NEXMIF: variants seen among roughly 807,000 people sequenced by gnomAD.
NEXMIF encodes XLMR protein related to neurite extension.
In NEXMIF, 8 loss-of-function variants were observed where a neutral mutation model predicts 62.1. The observed-to-expected ratio is 0.13, with a 90% CI of 0.08 to 0.23. NEXMIF has a LOEUF of 0.23. Among genes scored for constraint, NEXMIF ranks in the 10% least tolerant of loss-of-function variants. The probability of loss-of-function intolerance (pLI) is 1.00; values close to 1 mark genes in which losing one functional copy is unlikely to be tolerated. For missense variants in NEXMIF, 976 were observed against 1,113.3 expected (o/e 0.88, Z 1.75); for synonymous variants, 404 against 416.6 (o/e 0.97, Z 0.37).
At chrX:74,753,321 T>C (rs761477848) in intron 1 of NEXMIF, among the ~76,000 whole-genome samples, 5 of 111,685 alleles carry the variant, frequency 4.5e-5, no homozygotes, top group African/African-American at 1.6e-4. Context: ...ACAAGTGGGG[T>C]AACCAAGTCC....
chrX:74,741,092 G>A lies in NEXMIF; in HGVS notation c.3465C>T (p.Cys1155=), dbSNP rs1602211115. 1 of 1,211,384 alleles carries A rather than the reference G, an allele frequency of 8.3e-7. No homozygotes were observed. Among genetic ancestry groups the A allele is most frequent in the Non-Finnish European group, 1.1e-6 (1 of 895,270 alleles). Reference sequence around the variant, plus strand: ...CAGATGGATCATTAAATGTTGACAGGCAAGGGTTTTTTTGGAGCAGGCTGA... The same window carrying A: ...CAGATGGATCATTAAATGTTGACAGACAAGGGTTTTTTTGGAGCAGGCTGA... ...DSVSLLQKNP[C]LSTFNDPSGQ... The change falls in exon 3 of 4, where the codon TGC becomes TGT. Residue 1155 remains cysteine (C), a synonymous_variant. Coordinates refer to ENST00000055682, the MANE Select transcript of NEXMIF (RefSeq NM_001008537.3).
At chrX:74,830,614 T>C (rs2080432965) in intron 1 of NEXMIF, among the ~76,000 whole-genome samples, 2 of 112,089 alleles carry the variant, frequency 1.8e-5, no homozygotes, top group Non-Finnish European at 1.9e-5. Context: ...TTGATAAGGA[T>C]TGCATTGAAT....
intron 1 of NEXMIF, among the ~76,000 whole-genome samples, chrX:74,917,305 GC>G (rs1384892426): frequency 2.7e-5 from 3 of 111,638 alleles, no homozygotes; most frequent in African/African-American, 9.8e-5. Context: ...TGTAAGACAT[GC>G]CTGCTTCCAC....
At chrX:74,767,514 A>C (rs1387586493) in intron 1 of NEXMIF, among the ~76,000 whole-genome samples, 1 of 111,759 alleles carries the variant, frequency 8.9e-6, no homozygotes, top group African/African-American at 3.3e-5. Context: ...GTGAAAAGGC[A>C]GTCTGGCTGA....
In NEXMIF at chrX:74,795,523, A is replaced by G. The variant is rs180925712; in HGVS notation, c.-47-49826T>C. Among the ~76,000 whole-genome samples, 384 of 111,716 alleles carry G rather than the reference A, an allele frequency of 3.4e-3. 2 individuals carry two copies. The highest frequency in any genetic ancestry group is 0.012 in the African/African-American group (367 of 30,770). On this transcript the variant is annotated intron_variant, in intron 1 of 3. Transcript: ENST00000055682. Reference sequence around the variant, plus strand: ...TGGGATACTTATCAGTAGTTTCTGAATATTAGGGGTGGGGGAACTGGTTGA... The same window carrying G: ...TGGGATACTTATCAGTAGTTTCTGAGTATTAGGGGTGGGGGAACTGGTTGA...
chrX:74,913,766 A>G (rs2080798287), intron 1 of NEXMIF, among the ~76,000 whole-genome samples: 1 of 112,330 alleles, frequency 8.9e-6, no homozygotes, highest in South Asian at 3.6e-4. Context: ...AAATGCTTTC[A>G]GGAAACAACA....
intron 1 of NEXMIF, among the ~76,000 whole-genome samples, chrX:74,789,436 T>C (rs1372603965): frequency 9.2e-6 from 1 of 109,263 alleles, no homozygotes; most frequent in Non-Finnish European, 1.9e-5. Context: ...AATAAACATA[T>C]GTGTGCATGT....
At chrX:74,884,684 C>A (rs2080683158) in intron 1 of NEXMIF, among the ~76,000 whole-genome samples, 1 of 111,541 alleles carries the variant, frequency 9.0e-6, no homozygotes, top group African/African-American at 3.3e-5. Flanking sequence ...TAGACTCCCA[C>A]ACAATAATAA....
chrX:74,794,977 T>C (rs1346150847), intron 1 of NEXMIF, among the ~76,000 whole-genome samples: 3 of 111,959 alleles, frequency 2.7e-5, no homozygotes, highest in African/African-American at 9.7e-5. Context: ...GAGCTGTTCC[T>C]ATTCGGCCAT....
At chrX:74,800,374 C>CT (rs1202614129) in intron 1 of NEXMIF, among the ~76,000 whole-genome samples, 158 of 106,624 alleles carry the variant, frequency 1.5e-3, no homozygotes, top group African/African-American at 3.8e-3. Context: ...CTACTACTAG[C>CT]TTTTTTTTTT....
At chrX:74,827,582 C>T (rs1602241747) in intron 1 of NEXMIF, among the ~76,000 whole-genome samples, 1 of 112,298 alleles carries the variant, frequency 8.9e-6, no homozygotes, top group East Asian at 2.8e-4. Flanking sequence ...TTAAGATAGA[C>T]TTTCTTATCA....
intron 1 of NEXMIF, among the ~76,000 whole-genome samples, chrX:74,803,398 A>G (rs979452908): frequency 1.8e-5 from 2 of 109,209 alleles, no homozygotes; most frequent in Non-Finnish European, 3.8e-5. Flanking sequence ...AAAATACAAA[A>G]ATAAATAAAT....
At chrX:74,794,662 G>A (rs896551590) in intron 1 of NEXMIF, among the ~76,000 whole-genome samples, 4 of 112,169 alleles carry the variant, frequency 3.6e-5, no homozygotes, top group East Asian at 2.8e-4. Context: ...AGCCAGGTGC[G>A]GGATATAATC....
intron 1 of NEXMIF, among the ~76,000 whole-genome samples, chrX:74,872,556 T>C (rs1261598643): frequency 9.1e-6 from 1 of 109,697 alleles, no homozygotes; most frequent in Non-Finnish European, 1.9e-5. Context: ...AGTAATTTAC[T>C]ATAGTCACTT....
chrX:74,811,348 TCCA>T (rs1224602040), intron 1 of NEXMIF, among the ~76,000 whole-genome samples: 1,366 of 111,799 alleles, frequency 0.012, 22 homozygotes, highest in African/African-American at 0.043. Flanking sequence ...CCTTCCGCAT[TCCA>T]TCTGTAGGCT....
chrX:74,873,855 T>C, intron 1 of NEXMIF, among the ~76,000 whole-genome samples: 1 of 111,604 alleles, frequency 9.0e-6, no homozygotes, highest in Non-Finnish European at 1.9e-5. Context: ...TTTTTTCTTG[T>C]AAATTTGTTT....
intron 1 of NEXMIF, among the ~76,000 whole-genome samples, chrX:74,886,146 T>C (rs2080691988): frequency 9.0e-6 from 1 of 111,724 alleles, no homozygotes; most frequent in Non-Finnish European, 1.9e-5. Flanking sequence ...ATGGGACGTA[T>C]CTCAAGATAA....
chrX:74,890,396 C>G (rs1434466120), intron 1 of NEXMIF, among the ~76,000 whole-genome samples: 1 of 110,718 alleles, frequency 9.0e-6, no homozygotes, highest in Non-Finnish European at 1.9e-5. Flanking sequence ...CCCAATAGCT[C>G]TATTTTAAGG....
chrX:74,891,316 G>GTTT (rs58531496), intron 1 of NEXMIF, among the ~76,000 whole-genome samples: 1 of 96,370 alleles, frequency 1.0e-5, no homozygotes. Context: ...ATTCAGGAGG[G>GTTT]TTTTTTTTTT....
Sources: gnomAD v4.1 joint callset for allele counts (sites outside exome capture counted in the v4.1 genomes callset) on GRCh38, gnomAD v4.1.1 for gene constraint, MANE v1.5 for transcripts, NCBI Gene and HGNC (gene_info 2026-07-23, HGNC 2026-07-21) for gene names.